The following BFSP1 variants were observed in gnomAD, a reference collection of about 807,000 sequenced individuals.
The protein encoded by BFSP1 is beaded filament structural protein 1.
BFSP1 carries 38 observed loss-of-function variants against 43.9 expected under a neutral mutation model. The ratio of observed to expected loss-of-function variants is 0.87; its 90% CI spans 0.67 to 1.14. The LOEUF is 1.14. BFSP1 is among the 50% of genes most tolerant of loss of function. The pLI, the probability that BFSP1 is intolerant of heterozygous loss-of-function variation, is 0.00. For missense variants in BFSP1, 850 were observed against 875.1 expected (o/e 0.97, Z 0.36); for synonymous variants, 352 against 354.8 (o/e 0.99, Z 0.09).
Position 17,499,025 on chromosome 20 carries a change from G to C in BFSP1, c.751C>G (p.Gln251Glu). The C allele has an allele frequency of 2.5e-6, 4 of 1,614,116 alleles. No homozygotes were observed. Among genetic ancestry groups the C allele is most frequent in the Non-Finnish European group, 3.4e-6 (4 of 1,180,002 alleles). ...ELQAQTTTLE[Q>E]AIKSAHECYD... ...CACTCATGGGCACTTTTAATAGCTT[G>C]TTCCAGAGTTGTTGTCTGTGGGCAA... Residue 251 changes from glutamine (Q) to glutamate (E), a missense_variant, in exon 6 of 8, where the codon CAA becomes GAA. By Grantham distance (29) the Gln-to-Glu change is conservative. Transcript: ENST00000377873.
chr20:17,533,572 A>G (rs1417966735), upstream of BFSP1, among the ~76,000 whole-genome samples: 1 of 152,216 alleles, frequency 6.6e-6, no homozygotes, highest in African/African-American at 2.4e-5. Context: ...ACACAAGCTC[A>G]TCCCAGGCCT....
rs145106444 is a variant in BFSP1, at chr20:17,512,534, T to C, written c.535-466A>G. On this transcript the variant is annotated intron_variant, in intron 3 of 7. Transcript: ENST00000377873. ...GAGTTGGAGACCAGCCTGGGCAACA[T>C]AGTAAGATCCCATTTCTACAAAAAA... Among the ~76,000 whole-genome samples, 742 of 152,170 alleles carry C rather than the reference T, an allele frequency of 4.9e-3. 9 individuals are homozygous for C. Among genetic ancestry groups the C allele is most frequent in the African/African-American group, 0.017 (714 of 41,510 alleles).
intron 6 of BFSP1, 52 bp from the exon 7 acceptor site, chr20:17,497,075 C>T (rs368940342): frequency 2.2e-6 from 3 of 1,347,670 alleles, no homozygotes; most frequent in Admixed American, 3.1e-5. Flanking sequence ...GGGGCAAGAG[C>T]GACTCTCGTT....
chr20:17,522,611 T>G (rs1271544180), intron 2 of BFSP1, among the ~76,000 whole-genome samples: 1 of 152,212 alleles, frequency 6.6e-6, no homozygotes, highest in African/African-American at 2.4e-5. Flanking sequence ...ATGCACTTTC[T>G]AAAGTCACCT....
intron 6 of BFSP1, 137 bp from the exon 7 acceptor site, chr20:17,497,160 C>G: frequency 5.1e-6 from 3 of 585,522 alleles, no homozygotes; most frequent in East Asian, 3.2e-5. Context: ...TTTAAACAGA[C>G]AGCCATACAC....
intron 1 of BFSP1, among the ~76,000 whole-genome samples, chr20:17,546,655 T>C (rs2034805594): frequency 6.6e-6 from 1 of 151,356 alleles, no homozygotes; most frequent in Non-Finnish European, 1.5e-5. Flanking sequence ...TGAGCCAAGA[T>C]CACACCACAC....
At position 17,553,794 on chromosome 20, in the gene BFSP1, T is replaced by TATAC. The variant is rs1259467847; in HGVS notation, c.2+4893_2+4894insGTAT. ...ATATAAACATATATATATATATATA[T>TATAC]ACACACACACACACACACACACACA... On this transcript the variant is annotated intron_variant, in intron 1 of 7. Transcript: ENST00000377868. Among the ~76,000 whole-genome samples the TATAC allele has an allele frequency of 3.1e-3, 321 of 104,992 alleles. 5 individuals are homozygous for TATAC. Among genetic ancestry groups the TATAC allele is most frequent in the Middle Eastern group, 8.9e-3 (2 of 224 alleles). 68.9% of individuals were successfully genotyped at this position (104,992 alleles called of 152,430 possible). A position where few individuals can be genotyped will look rare whatever the true frequency, so the allele number is the denominator to read the frequency against.
chr20:17,558,785 C>T (rs946291487), exon 1 of BFSP1: 37 of 1,528,364 alleles, frequency 2.4e-5, no homozygotes, highest in East Asian at 9.8e-5. Context: ...ACCCTGCCTA[C>T]CCAGGACTCC....
intron 6 of BFSP1, 84 bp from the exon 7 acceptor site, chr20:17,497,107 A>G: frequency 8.9e-7 from 1 of 1,122,740 alleles, no homozygotes; most frequent in Non-Finnish European, 1.2e-6. Context: ...AAAATGAAAA[A>G]AAAGCTTTCT....
intron 1 of BFSP1, chr20:17,558,581 C>T: frequency 7.9e-7 from 1 of 1,260,300 alleles, no homozygotes; most frequent in Non-Finnish European, 1.1e-6. Context: ...AATGTGCAAC[C>T]CGCTTGCTGT....
chr20:17,567,309 C>T (rs1157516418), intron 1 of BFSP1, among the ~76,000 whole-genome samples: 1 of 152,188 alleles, frequency 6.6e-6, no homozygotes, highest in Admixed American at 6.5e-5. Context: ...TAAACACCTA[C>T]TATGTATCAG....
At chr20:17,510,447 T>A (rs147539444) in intron 4 of BFSP1, among the ~76,000 whole-genome samples, 1 of 152,214 alleles carries the variant, frequency 6.6e-6, no homozygotes, top group Admixed American at 6.5e-5. Flanking sequence ...AGGAAAAGTT[T>A]TTTTAGGCCT....
At chr20:17,535,724 A>G (rs995319330), upstream of BFSP1, among the ~76,000 whole-genome samples, 8 of 152,192 alleles carry the variant, frequency 5.3e-5, no homozygotes, top group African/African-American at 1.7e-4. Context: ...TTTTTCCTAG[A>G]AAGTTTGAAA....
At chr20:17,552,809 GA>G (rs997671982) in intron 1 of BFSP1, among the ~76,000 whole-genome samples, 1 of 152,136 alleles carries the variant, frequency 6.6e-6, no homozygotes, top group African/African-American at 2.4e-5. Context: ...AGATTTGGGG[GA>G]AAAATATCAA....
At chr20:17,532,428 GA>G (rs200752400), upstream of BFSP1, among the ~76,000 whole-genome samples, 956 of 147,790 alleles carry the variant, frequency 6.5e-3, 14 homozygotes, top group East Asian at 0.018. Context: ...AAAAGAAAAA[GA>G]AAAAAAGATT....
chr20:17,520,754 T>C (rs1385114123), intron 2 of BFSP1, among the ~76,000 whole-genome samples: 1 of 152,104 alleles, frequency 6.6e-6, no homozygotes, highest in Non-Finnish European at 1.5e-5. Context: ...TTCCTCTCCT[T>C]CTCTTCTCCG....
At position 17,506,458 on chromosome 20, in the gene BFSP1, G is replaced by C. The variant is rs78045698; in HGVS notation, c.735+2431C>G. Among the ~76,000 whole-genome samples the C allele has an allele frequency of 8.2e-3, 1,240 of 151,902 alleles. 19 individuals carry two copies. The highest frequency in any genetic ancestry group is 0.029 in the African/African-American group (1,184 of 41,424). On this transcript the variant is annotated intron_variant, in intron 5 of 7. Coordinates refer to ENST00000377873, the MANE Select transcript of BFSP1 (RefSeq NM_001195.5). Reference sequence around the variant, plus strand: ...ATAGCTTGTTACTGAGTGAGTATAAGCACATCTGTCATTTTATTTAAAATG... The same window carrying C: ...ATAGCTTGTTACTGAGTGAGTATAACCACATCTGTCATTTTATTTAAAATG...
intron 2 of BFSP1, 92 bp from the exon 3 acceptor site, chr20:17,514,908 G>T: frequency 8.7e-7 from 1 of 1,150,058 alleles, no homozygotes; most frequent in Non-Finnish European, 1.3e-6. Context: ...CCACCTGGGA[G>T]CTTACTGAAA....
chr20:17,523,379 G>A (rs990155700), intron 2 of BFSP1, among the ~76,000 whole-genome samples: 8 of 152,000 alleles, frequency 5.3e-5, no homozygotes, highest in African/African-American at 1.2e-4. Context: ...AGAGGGCCTC[G>A]GAGGGCCTGA....
Sources: allele counts gnomAD v4.1 joint callset (sites outside exome capture counted in the v4.1 genomes callset), GRCh38; gene constraint gnomAD v4.1.1; transcripts MANE v1.5; gene names NCBI Gene and HGNC (gene_info 2026-07-23, HGNC 2026-07-21).